CEP112: variants seen among roughly 807,000 people sequenced by gnomAD.
The protein encoded by CEP112 is centrosomal protein of 112 kDa.
In CEP112, 127 loss-of-function variants were observed where a neutral mutation model predicts 153.0. The observed-to-expected ratio is 0.83, with a 90% CI of 0.72 to 0.96. The LOEUF (loss-of-function observed/expected upper bound fraction) is 0.96, where lower values mean the gene tolerates loss of function less well. CEP112 is among the 40% of genes least tolerant of loss of function. The pLI is 0.00. For missense variants in CEP112, 1,089 were observed against 1,101.2 expected (o/e 0.99, Z 0.16); for synonymous variants, 358 against 374.4 (o/e 0.96, Z 0.51).
At chr17:65,945,428 G>A (rs550880629) in intron 18 of CEP112, among the ~76,000 whole-genome samples, 12 of 152,214 alleles carry the variant, frequency 7.9e-5, no homozygotes, top group South Asian at 2.1e-4. Context: ...AATAAGGCAC[G>A]CATATATTTA....
intron 17 of CEP112, among the ~76,000 whole-genome samples, chr17:65,991,917 C>T (rs534444639): frequency 7.2e-5 from 11 of 152,132 alleles, no homozygotes; most frequent in Non-Finnish European, 1.6e-4. Flanking sequence ...TTTAACCTAG[C>T]TTTCCCTGTC....
At chr17:65,826,565 C>A (rs1438801779) in intron 21 of CEP112, 2 of 1,294,978 alleles carry the variant, frequency 1.5e-6, no homozygotes, top group Admixed American at 3.9e-5. Context: ...GCTAAAGGGC[C>A]AGCACACCTT....
intron 4 of CEP112, among the ~76,000 whole-genome samples, chr17:66,168,496 T>C (rs137878935): frequency 0.034 from 5,127 of 151,398 alleles, 127 homozygotes; most frequent in Middle Eastern, 0.064. Context: ...TGTGTGTGTA[T>C]ATATATGTAT....
chr17:65,664,024 C>A (rs370416477), intron 24 of CEP112, among the ~76,000 whole-genome samples: 17 of 151,828 alleles, frequency 1.1e-4, no homozygotes, highest in African/African-American at 4.1e-4. Flanking sequence ...CCAGCCTGGG[C>A]GACAGAGCAA....
intron 21 of CEP112, among the ~76,000 whole-genome samples, chr17:65,833,558 A>G (rs955389574): frequency 2.0e-5 from 3 of 152,286 alleles, no homozygotes; most frequent in Admixed American, 2.0e-4. Flanking sequence ...GTACACCAAC[A>G]ACAGCCAAGC....
rs529020339 is a variant in CEP112, at chr17:65,727,116, G to A, written c.2607+15952C>T. On this transcript the variant is annotated intron_variant, in intron 23 of 26. Coordinates refer to ENST00000535342, the MANE Select transcript of CEP112 (RefSeq NM_001199165.4). Reference sequence around the variant, plus strand: ...GTTTATACTCCCAGAAATGGGGCACGAGCCTGCTGGTTTCCCTGTATCTTC... The same window carrying A: ...GTTTATACTCCCAGAAATGGGGCACAAGCCTGCTGGTTTCCCTGTATCTTC... Among the ~76,000 whole-genome samples, 32 of 152,320 alleles carry A rather than the reference G, an allele frequency of 2.1e-4. No individual in the cohort carries two copies. The South Asian group carries it at 5.4e-3, about 26-fold the overall frequency.
chr17:66,141,543 T>C (rs1396108285), intron 4 of CEP112, among the ~76,000 whole-genome samples: 2 of 152,128 alleles, frequency 1.3e-5, no homozygotes, highest in African/African-American at 4.8e-5. Context: ...AAATTTTATA[T>C]GCATTGAACA....
intron 1 of CEP112, among the ~76,000 whole-genome samples, chr17:66,188,210 C>G (rs2073009657): frequency 6.6e-6 from 1 of 151,856 alleles, no homozygotes; most frequent in African/African-American, 2.4e-5. Flanking sequence ...CTGCCTAAAA[C>G]AGAATACTAT....
intron 19 of CEP112, among the ~76,000 whole-genome samples, chr17:65,918,657 T>G (rs538108309): frequency 6.6e-5 from 10 of 152,316 alleles, no homozygotes; most frequent in South Asian, 2.1e-4. Context: ...TGGTTGGTTG[T>G]TTGTTTCCAA....
chr17:66,009,497 G>A (rs917356329), intron 16 of CEP112, among the ~76,000 whole-genome samples: 6 of 152,004 alleles, frequency 3.9e-5, no homozygotes, highest in African/African-American at 1.4e-4. Context: ...CTCCCATTCT[G>A]TAGTTTGCCT....
intron 21 of CEP112, among the ~76,000 whole-genome samples, chr17:65,771,722 G>T (rs1357770020): frequency 6.6e-6 from 1 of 152,072 alleles, no homozygotes; most frequent in Non-Finnish European, 1.5e-5. Context: ...TAGAGTCAAA[G>T]AAAGAATCAT....
At chr17:65,864,836 T>C (rs138858471) in intron 20 of CEP112, among the ~76,000 whole-genome samples, 27 of 151,924 alleles carry the variant, frequency 1.8e-4, no homozygotes, top group African/African-American at 6.3e-4. Context: ...ACTGGTCACA[T>C]CATGTAGAAA....
chr17:65,970,388 T>TAC (rs1717908851), intron 17 of CEP112, among the ~76,000 whole-genome samples: 4 of 12,146 alleles, frequency 3.3e-4, no homozygotes, highest in African/African-American at 1.3e-3. Context: ...CATGCATATA[T>TAC]ATTACATGCA....
chr17:65,727,461 T>TGA lies in CEP112; in HGVS notation c.2607+15605_2607+15606dup, dbSNP rs574839776. Among the ~76,000 whole-genome samples the TGA allele has an allele frequency of 5.8e-4, 89 of 152,300 alleles. 2 individuals are homozygous for TGA. In the South Asian group the frequency reaches 0.018, roughly 31 times the overall value. ...AGAGCCTTTTGGCAGGGATATCGGC[T>TGA]GAGAGGAGGCTGTTTTAAATCAATC... On this transcript the variant is annotated intron_variant, in intron 23 of 26. Coordinates refer to ENST00000535342, the MANE Select transcript of CEP112 (RefSeq NM_001199165.4).
At chr17:65,961,759 T>C (rs2062212346) in intron 17 of CEP112, among the ~76,000 whole-genome samples, 161 bp from the exon 18 acceptor site, 1 of 152,222 alleles carries the variant, frequency 6.6e-6, no homozygotes, top group Admixed American at 6.5e-5. Flanking sequence ...AACTAATTTG[T>C]CTCAAGAGAA....
At chr17:66,175,407 T>C (rs2072429622) in intron 3 of CEP112, among the ~76,000 whole-genome samples, 191 bp from the exon 4 acceptor site, 1 of 152,186 alleles carries the variant, frequency 6.6e-6, no homozygotes, top group Non-Finnish European at 1.5e-5. Flanking sequence ...CATATTTACA[T>C]TTTAGTTGCA....
At chr17:65,731,318 C>A (rs2050494237) in intron 23 of CEP112, among the ~76,000 whole-genome samples, 1 of 152,168 alleles carries the variant, frequency 6.6e-6, no homozygotes. Flanking sequence ...ATAAAAAAGT[C>A]ATGTTTACAC....
At chr17:66,067,676 TA>T in intron 9 of CEP112, among the ~76,000 whole-genome samples, 1 of 152,310 alleles carries the variant, frequency 6.6e-6, no homozygotes. Context: ...TTATTAAATA[TA>T]CAAGAATAAT....
intron 20 of CEP112, among the ~76,000 whole-genome samples, chr17:65,882,603 C>G (rs928805568): frequency 6.6e-6 from 1 of 152,220 alleles, no homozygotes; most frequent in Non-Finnish European, 1.5e-5. Context: ...AGCATCGGCA[C>G]TTGGGCCAGG....
Sources: gnomAD v4.1 joint callset for allele counts (sites outside exome capture counted in the v4.1 genomes callset) on GRCh38, gnomAD v4.1.1 for gene constraint, MANE v1.5 for transcripts, NCBI Gene and HGNC (gene_info 2026-07-23, HGNC 2026-07-21) for gene names.